The following MTF1 variants were observed in gnomAD, a reference collection of about 807,000 sequenced individuals.
The protein encoded by MTF1 is MRE-binding transcription factor.
Under a neutral mutation model 70.4 loss-of-function variants are expected in MTF1, and 22 were observed. The observed-to-expected ratio is 0.31, with a 90% CI of 0.22 to 0.45. The LOEUF is 0.45. MTF1 is among the 20% of genes least tolerant of loss of function. MTF1 has a pLI of 1.00. For missense variants in MTF1, 649 were observed against 922.0 expected (o/e 0.70, Z 3.83); for synonymous variants, 333 against 352.8 (o/e 0.94, Z 0.63).
In MTF1 at chr1:37,810,209, G is replaced by A. The variant is rs768443185; in HGVS notation, c.*4927C>T. The A allele has an allele frequency of 6.6e-6, 1 of 152,458 alleles. No homozygotes were observed. Among genetic ancestry groups the A allele is most frequent in the Non-Finnish European group, 1.5e-5 (1 of 68,024 alleles). The allele number at this position is 152,458 out of a possible 1,614,324, so 9.4% of individuals were successfully genotyped here. On this transcript the variant is annotated 3_prime_UTR_variant, in exon 11 of 11. Coordinates refer to ENST00000373036, the MANE Select transcript of MTF1 (RefSeq NM_005955.3). ...ACTTGGCACACTACGAGGATAACAAGGATATTGCAAAAAACACCCCTGGGT... is the reference window on the plus strand; with the variant it reads ...ACTTGGCACACTACGAGGATAACAAAGATATTGCAAAAAACACCCCTGGGT...
At chr1:37,821,948 C>T (rs776838987) in intron 9 of MTF1, among the ~76,000 whole-genome samples, 173 bp downstream of exon 9, 41 of 152,068 alleles carry the variant, frequency 2.7e-4, no homozygotes, top group Non-Finnish European at 5.4e-4. Flanking sequence ...GTACTGACCA[C>T]AGCATTTCCT....
At chr1:37,851,232 G>C (rs1254541466) in intron 2 of MTF1, among the ~76,000 whole-genome samples, 1 of 152,172 alleles carries the variant, frequency 6.6e-6, no homozygotes, top group Admixed American at 6.5e-5. Flanking sequence ...CAAGAATATA[G>C]CATCTTCCAC....
At chr1:37,847,289 G>A (rs1016887023) in intron 2 of MTF1, among the ~76,000 whole-genome samples, 1 of 152,164 alleles carries the variant, frequency 6.6e-6, no homozygotes, top group Non-Finnish European at 1.5e-5. Context: ...ATAGGCTTTG[G>A]CATCCAGAAA....
chr1:37,818,198 G>T (rs768062896), intron 9 of MTF1, among the ~76,000 whole-genome samples: 13 of 152,196 alleles, frequency 8.5e-5, no homozygotes, highest in Non-Finnish European at 1.9e-4. Flanking sequence ...TGAGAGGCTG[G>T]GTTTTTAAGA....
In MTF1 at chr1:37,823,612, C is replaced by T. The variant is rs1640952621; in HGVS notation, c.1171+98G>A. On this transcript the variant is annotated intron_variant, in intron 8 of 10. Transcript: ENST00000373036. Reference sequence around the variant, plus strand: ...AAACTTTCTGACCCTTTATAGAAAGCTCACTTCATTTACGCTAACTAGAAT... The same window carrying T: ...AAACTTTCTGACCCTTTATAGAAAGTTCACTTCATTTACGCTAACTAGAAT... 5.7e-6 allele frequency: 5 copies of T among 873,838 alleles called. No homozygotes were observed. The South Asian group carries it at 6.4e-5, about 11-fold the overall frequency. The allele number at this position is 873,838 out of a possible 1,614,324, so 54.1% of individuals were successfully genotyped here.
In MTF1 at chr1:37,847,553, T is replaced by C. The variant is rs1446612722; in HGVS notation, c.409-7395A>G. Reference sequence around the variant, plus strand: ...TTCTTTGAGAGCCCTTAGCTCTGCCTGGTGCCCCAAATGCCCACCATGGAA... The same window carrying C: ...TTCTTTGAGAGCCCTTAGCTCTGCCCGGTGCCCCAAATGCCCACCATGGAA... On this transcript the variant is annotated intron_variant, in intron 2 of 10. Coordinates refer to ENST00000373036, the MANE Select transcript of MTF1 (RefSeq NM_005955.3). Among the ~76,000 whole-genome samples the C allele has an allele frequency of 6.6e-5, 10 of 152,324 alleles. No homozygotes were observed. The East Asian group carries it at 9.6e-4, about 15-fold the overall frequency.
At chr1:37,830,515 A>C (rs1230516373) in intron 7 of MTF1, among the ~76,000 whole-genome samples, 2 of 152,348 alleles carry the variant, frequency 1.3e-5, no homozygotes, top group East Asian at 3.9e-4. Flanking sequence ...GCATAAAAAA[A>C]TAAAAATAAA....
chr1:37,852,159 C>A (rs749800753), intron 2 of MTF1, among the ~76,000 whole-genome samples: 4 of 152,160 alleles, frequency 2.6e-5, no homozygotes, highest in African/African-American at 4.8e-5. Context: ...CTTTCTCTTT[C>A]CAACCCTTAA....
chr1:37,846,390 T>TA (rs1364675756), intron 2 of MTF1, among the ~76,000 whole-genome samples: 19 of 141,968 alleles, frequency 1.3e-4, no homozygotes, highest in Non-Finnish European at 2.9e-4. Context: ...GAGACCCCAT[T>TA]TAAAAAAAAA....
In MTF1 at chr1:37,843,107, C is replaced by T. The variant is rs920615251; in HGVS notation, c.409-2949G>A. 4.6e-5 allele frequency among the ~76,000 whole-genome samples: 7 copies of T among 152,196 alleles called. No individual in the cohort carries two copies. In the South Asian group the frequency reaches 1.4e-3, roughly 31 times the overall value. ...TCACAGCTCACTGTAACTTCAAACT[C>T]CTGGGCTCAAGTGACCCTCCCTCCT... On this transcript the variant is annotated intron_variant, in intron 2 of 10. Transcript: ENST00000373036.
intron 6 of MTF1, among the ~76,000 whole-genome samples, chr1:37,834,851 G>A (rs1361209546): frequency 1.3e-5 from 2 of 152,250 alleles, no homozygotes; most frequent in Non-Finnish European, 2.9e-5. Context: ...GAGGAAGACT[G>A]CAGGAAGAAC....
At chr1:37,847,675 C>T (rs1023387700) in intron 2 of MTF1, among the ~76,000 whole-genome samples, 2 of 152,220 alleles carry the variant, frequency 1.3e-5, no homozygotes, top group Non-Finnish European at 2.9e-5. Flanking sequence ...CAGGGGACTA[C>T]AGACAGGTTC....
At chr1:37,858,429 T>C (rs1403888629) in intron 1 of MTF1, 1 of 152,258 alleles carries the variant, frequency 6.6e-6, no homozygotes, top group Non-Finnish European at 1.5e-5. Flanking sequence ...AGGCAACATA[T>C]GTAAAGCACA....
intron 2 of MTF1, among the ~76,000 whole-genome samples, chr1:37,847,022 G>A (rs1641342893): frequency 2.0e-5 from 3 of 151,922 alleles, no homozygotes; most frequent in Middle Eastern, 3.4e-3. Flanking sequence ...TCCCCACACC[G>A]GCACTGGTAT....
chr1:37,809,930 A>T lies in MTF1; in HGVS notation c.*5206T>A, dbSNP rs1640678387. On this transcript the variant is annotated 3_prime_UTR_variant, in exon 11 of 11. Transcript: ENST00000373036. ...CCCGGCCAATGATTAGTGTATGTCA[A>T]AAAAAAGGGCTCTTGGGGGCTCTTG... 6.6e-6 allele frequency: 1 copy of T among 152,410 alleles called. No individual in the cohort carries two copies. 9.4% of individuals were successfully genotyped at this position (152,410 alleles called of 1,614,324 possible).
intron 9 of MTF1, 150 bp downstream of exon 9, chr1:37,821,971 C>G (rs1358238490): frequency 2.3e-5 from 15 of 665,038 alleles, no homozygotes; most frequent in Middle Eastern, 4.1e-4. Flanking sequence ...GTTTATACCA[C>G]TTGATTATGT....
At chr1:37,845,915 GAGA>G (rs999850112) in intron 2 of MTF1, among the ~76,000 whole-genome samples, 13 of 152,252 alleles carry the variant, frequency 8.5e-5, no homozygotes, top group East Asian at 1.9e-4. Context: ...CATTTGGAGG[GAGA>G]AGAAGAAGTC....
chr1:37,815,111 C>G lies in MTF1; in HGVS notation c.*25G>C. On this transcript the variant is annotated 3_prime_UTR_variant, in exon 11 of 11. Transcript: ENST00000373036. The surrounding 1 kb of genome is among the most constrained non-coding windows in gnomAD (Gnocchi z 4.5). ...CATGCCTCCTGCTCACCCGCTTTTC[C>G]CAGAGGTGAGCACACATGGGCCCTT... 1.9e-6 allele frequency: 3 copies of G among 1,606,120 alleles called. No individual in the cohort carries two copies. The highest frequency in any genetic ancestry group is 2.6e-6 in the Non-Finnish European group (3 of 1,174,136).
intron 5 of MTF1, 45 bp from the exon 6 acceptor site, chr1:37,835,260 C>T (rs1171226414): frequency 1.3e-6 from 2 of 1,559,236 alleles, no homozygotes; most frequent in Non-Finnish European, 1.8e-6. Context: ...AAAGTCATTT[C>T]ACTGGATTAA....
Sources: gnomAD v4.1 joint callset for allele counts (sites outside exome capture counted in the v4.1 genomes callset) on GRCh38, gnomAD v4.1.1 for gene constraint, Gnocchi (gnomAD v3.1) non-coding constraint, MANE v1.5 for transcripts, NCBI Gene and HGNC (gene_info 2026-07-23, HGNC 2026-07-21) for gene names.